RNF43: variants seen among roughly 807,000 people sequenced by gnomAD.
RNF43 encodes the protein E3 ubiquitin-protein ligase RNF43.
Under a neutral mutation model 78.4 loss-of-function variants are expected in RNF43, and 37 were observed. That is an observed-to-expected ratio of 0.47 (90% CI 0.36 to 0.62). The LOEUF is 0.62. RNF43 is among the 20% of genes least tolerant of loss of function. The pLI is 0.00. For missense variants in RNF43, 774 were observed against 1,007.9 expected (o/e 0.77, Z 3.14); for synonymous variants, 347 against 395.0 (o/e 0.88, Z 1.44).
intron 2 of RNF43, among the ~76,000 whole-genome samples, chr17:58,381,510 C>G (rs1973318129): frequency 6.6e-6 from 1 of 152,204 alleles, no homozygotes; most frequent in Admixed American, 6.5e-5. Context: ...TTCCCACCCA[C>G]AGTGTAGCCT....
intron 2 of RNF43, among the ~76,000 whole-genome samples, chr17:58,405,715 AAAGAAAGAAAG>A (rs1229484816): frequency 6.8e-6 from 1 of 146,194 alleles, no homozygotes; most frequent in East Asian, 2.2e-4. Context: ...AGAAAGAAAG[AAAGAAAGAAAG>A]AAAGAAAGAA....
In RNF43 at chr17:58,353,901, G is replaced by T. The variant is rs190049491; in HGVS notation, c.*1042C>A. The stretch of plus-strand genomic sequence containing the variant: ...GGCCAAGAGTGGTCAGGCTGCCCTG[G>T]GGTGAATGTCACCCTGATGAGGCCC... On this transcript the variant is annotated 3_prime_UTR_variant, in exon 10 of 10. Coordinates refer to ENST00000407977, the MANE Select transcript of RNF43 (RefSeq NM_017763.6). 24 of 185,230 alleles carry T rather than the reference G, an allele frequency of 1.3e-4. No individual in the cohort carries two copies. The highest frequency in any genetic ancestry group is 5.2e-4 in the African/African-American group (22 of 42,700). The allele number at this position is 185,230 out of a possible 1,614,324, so 11.5% of individuals were successfully genotyped here. A position where few individuals can be genotyped will look rare whatever the true frequency, so the allele number is the denominator to read the frequency against.
intron 2 of RNF43, among the ~76,000 whole-genome samples, chr17:58,408,334 C>A (rs1159529525): frequency 1.3e-5 from 2 of 152,094 alleles, no homozygotes; most frequent in African/African-American, 4.8e-5. Flanking sequence ...TAACAATGAT[C>A]ACATTCTCAA....
chr17:58,412,914 T>C (rs1377467335), intron 2 of RNF43, among the ~76,000 whole-genome samples: 1 of 152,056 alleles, frequency 6.6e-6, no homozygotes, highest in Non-Finnish European at 1.5e-5. Flanking sequence ...ACTGCAATCT[T>C]TGGAGACAAA....
intron 2 of RNF43, among the ~76,000 whole-genome samples, chr17:58,413,649 T>C (rs1420047005): frequency 4.6e-5 from 7 of 152,100 alleles, no homozygotes; most frequent in African/African-American, 4.8e-5. Flanking sequence ...GATAGAACAA[T>C]AGAAGACATG....
At chr17:58,366,144 A>G (rs1056832533) in intron 3 of RNF43, among the ~76,000 whole-genome samples, 1 of 152,254 alleles carries the variant, frequency 6.6e-6, no homozygotes, top group Non-Finnish European at 1.5e-5. Flanking sequence ...ACATGAAGCT[A>G]TAACGCTGAT....
At chr17:58,398,103 C>A (rs1223617014) in intron 2 of RNF43, among the ~76,000 whole-genome samples, 5 of 152,168 alleles carry the variant, frequency 3.3e-5, no homozygotes, top group Non-Finnish European at 5.9e-5. Flanking sequence ...AATAAGCTCT[C>A]CACTTATATT....
intron 2 of RNF43, among the ~76,000 whole-genome samples, chr17:58,380,943 AT>A (rs1051643876): frequency 4.7e-4 from 71 of 152,304 alleles, no homozygotes; most frequent in Admixed American, 1.6e-3. Flanking sequence ...CTGTCTCCAA[AT>A]GGGCTGGCTC....
rs141393943 is a variant in RNF43 at position 58,386,150 on chromosome 17, G to A, written c.253-15117C>T. Among the ~76,000 whole-genome samples the A allele has an allele frequency of 6.9e-4, 104 of 151,478 alleles. 1 individual carries two copies. The East Asian group carries it at 0.013, about 20-fold the overall frequency. Reference sequence around the variant, plus strand: ...CAACAACAAAAAACACCATGCAGCCGGGCGTGGTGGCTCATGCCTGTAATC... The same window carrying A: ...CAACAACAAAAAACACCATGCAGCCAGGCGTGGTGGCTCATGCCTGTAATC... On this transcript the variant is annotated intron_variant, in intron 2 of 9. Coordinates refer to ENST00000407977, the MANE Select transcript of RNF43 (RefSeq NM_017763.6).
rs1388676598 is a variant in RNF43 at position 58,358,917 on chromosome 17, C to T, written c.953-94G>A. 1 of 1,285,056 alleles carries T rather than the reference C, an allele frequency of 7.8e-7. No homozygotes were observed. The highest frequency in any genetic ancestry group is 1.0e-6 in the Non-Finnish European group (1 of 972,674). The allele number at this position is 1,285,056 out of a possible 1,614,324, so 79.6% of individuals were successfully genotyped here. A position where few individuals can be genotyped will look rare whatever the true frequency, so the allele number is the denominator to read the frequency against. On this transcript the variant is annotated intron_variant, in intron 8 of 9. Transcript: ENST00000407977. This position sits in a 1 kb window ranked among gnomAD's most constrained non-coding sequence, Gnocchi z 6.2. Reference sequence around the variant, plus strand: ...ATGGCTGTAGCTAATCTATTTGACCCTGAGTAGCCTGTGAGCTCAGAGTTT... The same window carrying T: ...ATGGCTGTAGCTAATCTATTTGACCTTGAGTAGCCTGTGAGCTCAGAGTTT...
At chr17:58,393,239 C>T (rs940365479) in intron 2 of RNF43, among the ~76,000 whole-genome samples, 8 of 152,188 alleles carry the variant, frequency 5.3e-5, no homozygotes, top group Non-Finnish European at 8.8e-5. Flanking sequence ...GAAACCCCAT[C>T]TCTACTAAAA....
Position 58,415,728 on chromosome 17 carries a change from C to G in RNF43, c.-151G>C. ...GTCGTAGTTTTGGCCCTTCCTTTCT[C>G]TAAAGTTTATTCCCAAAAACAGGTA... is the stretch of plus-strand genomic sequence containing the variant. On this transcript the variant is annotated 5_prime_UTR_variant, in exon 2 of 10. It removes the in-frame stop codon of an upstream open reading frame in the 5' UTR. Transcript: ENST00000407977. 1.2e-6 allele frequency: 1 copy of G among 868,490 alleles called. No individual in the cohort carries two copies. Among genetic ancestry groups the G allele is most frequent in the Non-Finnish European group, 1.7e-6 (1 of 579,674 alleles). The allele number at this position is 868,490 out of a possible 1,614,324, so 53.8% of individuals were successfully genotyped here.
At chr17:58,405,066 T>A (rs899619048) in intron 2 of RNF43, among the ~76,000 whole-genome samples, 1 of 144,666 alleles carries the variant, frequency 6.9e-6, no homozygotes, top group Non-Finnish European at 1.5e-5. Context: ...GTTGTAGTAC[T>A]TCTTTTTTTT....
At position 58,358,591 on chromosome 17, in the gene RNF43, A is replaced by T. The variant is rs981456911; in HGVS notation, c.1185T>A (p.His395Gln). The T allele has an allele frequency of 6.3e-7, 1 of 1,589,984 alleles. No individual in the cohort carries two copies. The highest frequency in any genetic ancestry group is 1.7e-5 in the Admixed American group (1 of 57,300). Residue 395 changes from histidine (H) to glutamine (Q), a missense_variant, in exon 9 of 10, where the codon CAT (histidine) becomes CAA (glutamine). Coordinates refer to ENST00000407977, the MANE Select transcript of RNF43 (RefSeq NM_017763.6). This position sits in a 1 kb window ranked among gnomAD's most constrained non-coding sequence, Gnocchi z 6.2. The stretch of plus-strand genomic sequence containing the variant: ...GCTGCTGCTCTCCTGGAGCCCGGGG[A>T]TGTGCAGCTCTGGGGAAGCGGTGAT... ...PRHHRFPRAA[H>Q]PRAPGEQQRL...
chr17:58,382,054 C>T (rs2143565528), intron 2 of RNF43, among the ~76,000 whole-genome samples: 1 of 152,248 alleles, frequency 6.6e-6, no homozygotes, highest in South Asian at 2.1e-4. Context: ...AGCCCTCAGT[C>T]CCCAGAAACT....
At chr17:58,404,230 C>T (rs912286030) in intron 2 of RNF43, among the ~76,000 whole-genome samples, 3 of 151,956 alleles carry the variant, frequency 2.0e-5, no homozygotes, top group Admixed American at 2.0e-4. Flanking sequence ...CTTTGATGTC[C>T]AACAACTAAG....
At chr17:58,363,665 G>T in intron 3 of RNF43, 65 bp from the exon 4 acceptor site, 2 of 1,381,096 alleles carry the variant, frequency 1.4e-6, no homozygotes, top group Non-Finnish European at 1.0e-6. Context: ...CCACAGGCTA[G>T]CCTCACCCCT....
rs896877622 is a variant in RNF43 at position 58,395,658 on chromosome 17, T to G, written c.252+19668A>C. On this transcript the variant is annotated intron_variant, in intron 2 of 9. Coordinates refer to ENST00000407977, the MANE Select transcript of RNF43 (RefSeq NM_017763.6). ...TAAACTAAATAAAAAAGAGCAGACT[T>G]GTTTTGCAGCTTGACAAAAAGAAAG... Among the ~76,000 whole-genome samples the G allele has an allele frequency of 9.9e-5, 15 of 152,192 alleles. 1 individual carries two copies. Among genetic ancestry groups the G allele is most frequent in the Non-Finnish European group, 5.9e-5 (4 of 68,038 alleles).
intron 6 of RNF43, among the ~76,000 whole-genome samples, chr17:58,361,862 T>C (rs1972840665): frequency 6.6e-6 from 1 of 152,152 alleles, no homozygotes; most frequent in African/African-American, 2.4e-5. Flanking sequence ...CCCTCTCCCA[T>C]TTAGGGTCTT....
Sources: gnomAD v4.1 joint callset for allele counts (sites outside exome capture counted in the v4.1 genomes callset) on GRCh38, gnomAD v4.1.1 for gene constraint, Gnocchi (gnomAD v3.1) non-coding constraint, MANE v1.5 for transcripts, NCBI Gene and HGNC (gene_info 2026-07-23, HGNC 2026-07-21) for gene names.